The following ING3 variants were observed in gnomAD, a reference collection of about 807,000 sequenced individuals.
The protein encoded by ING3 is inhibitor of growth family member 3.
A neutral mutation model predicts 64.8 loss-of-function variants in ING3; 6 were observed. The ratio of observed to expected loss-of-function variants is 0.09; its 90% CI spans 0.05 to 0.18. The LOEUF is 0.18. Ranked by LOEUF, ING3 falls within the 10% of genes least tolerant of loss-of-function variation. ING3 has a pLI of 1.00. For synonymous variants in ING3, 170 were observed against 173.7 expected (o/e 0.98, Z 0.17); for missense variants, 310 against 489.7 (o/e 0.63, Z 3.46).
chr7:120,974,967 T>C lies in ING3; in HGVS notation c.*123T>C, dbSNP rs1366150494. On this transcript the variant is annotated 3_prime_UTR_variant, in exon 12 of 12. Transcript: ENST00000315870. ...CAGGCAACCACTTAAAGGATTTACA[T>C]AGACAATCCTATAAGATCTTGAACT... is the stretch of plus-strand genomic sequence containing the variant. 1.7e-6 allele frequency: 1 copy of C among 581,278 alleles called. No homozygotes were observed. The highest frequency in any genetic ancestry group is 3.0e-6 in the Non-Finnish European group (1 of 336,192). The allele number at this position is 581,278 out of a possible 1,614,324, so 36.0% of individuals were successfully genotyped here.
rs751479434 is a variant in ING3, at chr7:120,950,969, C to A, written c.28+45C>A. ...GGCGGCCGCCAGTGGGACGTGCGGGCGGGCAAGAGCGCGAGTGGACGGGCA... is the reference window on the plus strand; with the variant it reads ...GGCGGCCGCCAGTGGGACGTGCGGGAGGGCAAGAGCGCGAGTGGACGGGCA... On this transcript the variant is annotated intron_variant, in intron 1 of 11. Coordinates refer to ENST00000315870, the MANE Select transcript of ING3 (RefSeq NM_019071.3). The A allele has an allele frequency of 7.0e-6, 10 of 1,427,628 alleles. No homozygotes were observed. In the African/African-American group the frequency reaches 1.5e-4, roughly 21 times the overall value. 88.4% of individuals were successfully genotyped at this position (1,427,628 alleles called of 1,614,324 possible). A position where few individuals can be genotyped will look rare whatever the true frequency, so the allele number is the denominator to read the frequency against.
At chr7:120,960,841 T>C (rs781709800) in intron 4 of ING3, among the ~76,000 whole-genome samples, 99 of 152,316 alleles carry the variant, frequency 6.5e-4, no homozygotes, top group Non-Finnish European at 1.2e-3. Context: ...TAAATACTTA[T>C]TTGTGTTTCT....
chr7:120,956,687 A>C (rs1795852653), intron 4 of ING3: 9 of 986,642 alleles, frequency 9.1e-6, no homozygotes, highest in Non-Finnish European at 1.1e-5. Flanking sequence ...TGGAATAAAA[A>C]CCAAAAAAAA....
chr7:120,959,949 A>T (rs1040165579), intron 4 of ING3, among the ~76,000 whole-genome samples: 2 of 152,096 alleles, frequency 1.3e-5, no homozygotes, highest in Non-Finnish European at 2.9e-5. Flanking sequence ...CTGGCCTGGC[A>T]AACTATTAAA....
chr7:120,968,845 C>CAAAA (rs377274991), intron 8 of ING3, among the ~76,000 whole-genome samples, 166 bp from the exon 9 acceptor site: 3 of 59,280 alleles, frequency 5.1e-5, no homozygotes, highest in Non-Finnish European at 6.9e-5. Flanking sequence ...AACTCCACCT[C>CAAAA]AAAAAAAAAA....
rs372239911 is a variant in ING3, at chr7:120,954,765, A to G, written c.202-794A>G. On this transcript the variant is annotated intron_variant, in intron 3 of 11. Coordinates refer to ENST00000315870, the MANE Select transcript of ING3 (RefSeq NM_019071.3). Reference sequence around the variant, plus strand: ...CCCCTCTTTTTTAAAAAAAAATTTAATAAGTTGAGGCAAAATCTAAAATAC... The same window carrying G: ...CCCCTCTTTTTTAAAAAAAAATTTAGTAAGTTGAGGCAAAATCTAAAATAC... Among the ~76,000 whole-genome samples the G allele has an allele frequency of 3.3e-5, 5 of 152,300 alleles. No individual in the cohort carries two copies. The East Asian group carries it at 7.7e-4, about 24-fold the overall frequency.
chr7:120,953,306 G>A lies in ING3; in HGVS notation c.103G>A (p.Ala35Thr). ...MREMDLQVQN[A>T]MDQLEQRVSE... ...GAATTTTTTTTATTATGTCATAGAT[G>A]CAATGGATCAACTAGAACAAAGAGT... The change falls in exon 3 of 12, where the codon GCA becomes ACA. Residue 35 changes from alanine (A) to threonine (T), a missense_variant and splice_region_variant. Physicochemically the swap from Ala to Thr is moderately conservative, Grantham distance 58. Transcript: ENST00000315870. The A allele has an allele frequency of 6.4e-7, 1 of 1,569,386 alleles. No individual in the cohort carries two copies.
intron 4 of ING3, among the ~76,000 whole-genome samples, chr7:120,962,421 G>A (rs946880280): frequency 1.3e-5 from 2 of 150,386 alleles, no homozygotes; most frequent in African/African-American, 4.9e-5. Flanking sequence ...AACCCTTTAG[G>A]TTCTAGTGCC....
intron 4 of ING3, among the ~76,000 whole-genome samples, chr7:120,958,494 A>G (rs904721777): frequency 1.3e-5 from 2 of 152,190 alleles, no homozygotes; most frequent in South Asian, 2.1e-4. Flanking sequence ...CAGTCGCCAC[A>G]GACTGAACCT....
At chr7:120,953,471 T>C (rs1023819127) in intron 3 of ING3, 67 bp downstream of exon 3, 3 of 885,852 alleles carry the variant, frequency 3.4e-6, no homozygotes, top group African/African-American at 3.4e-5. Flanking sequence ...TATTTCAAAA[T>C]TAAATAGTGG....
intron 8 of ING3, among the ~76,000 whole-genome samples, chr7:120,968,340 A>G (rs765957379): frequency 6.6e-6 from 1 of 152,168 alleles, no homozygotes; most frequent in African/African-American, 2.4e-5. Context: ...ATAACTGCTC[A>G]TGTTGCCCAT....
intron 6 of ING3, 49 bp downstream of exon 6, chr7:120,966,746 T>C (rs1015844032): frequency 9.7e-6 from 12 of 1,242,978 alleles, no homozygotes; most frequent in Middle Eastern, 1.9e-4. Context: ...GAAAACCTTA[T>C]TATATCACCT....
Position 120,976,784 on chromosome 7 carries a change from C to A in ING3, c.*1940C>A, listed in dbSNP as rs1179247441. On this transcript the variant is annotated 3_prime_UTR_variant, in exon 12 of 12. Coordinates refer to ENST00000315870, the MANE Select transcript of ING3 (RefSeq NM_019071.3). Reference sequence around the variant, plus strand: ...ATCCCCTTTCAGTGTGAATTCCACTCCTTACCAAATCACTTAGAAAACACT... The same window carrying A: ...ATCCCCTTTCAGTGTGAATTCCACTACTTACCAAATCACTTAGAAAACACT... 6.6e-6 allele frequency: 1 copy of A among 152,162 alleles called. No individual in the cohort carries two copies. Among genetic ancestry groups the A allele is most frequent in the Non-Finnish European group, 1.5e-5 (1 of 68,022 alleles). 9.4% of individuals were successfully genotyped at this position (152,162 alleles called of 1,614,324 possible).
chr7:120,968,339 C>T (rs760069970), intron 8 of ING3, among the ~76,000 whole-genome samples: 2 of 152,154 alleles, frequency 1.3e-5, no homozygotes, highest in Admixed American at 6.5e-5. Context: ...AATAACTGCT[C>T]ATGTTGCCCA....
In ING3 at chr7:120,967,614, C is replaced by G. The variant is rs573638160; in HGVS notation, c.522C>G (p.Thr174=). 3.1e-6 allele frequency: 5 copies of G among 1,606,556 alleles called. No individual in the cohort carries two copies. The highest frequency in any genetic ancestry group is 4.3e-6 in the Non-Finnish European group (5 of 1,176,146). ...TTAAATCTGAAGCTCTTCTATCCAC[C>G]CTTACGTCAGATGCCTCTAAGGAAA... The part of the protein sequence containing the change: ...KKFKSEALLS[T]LTSDASKENT... The change falls in exon 7 of 12, where the codon ACC becomes ACG. Residue 174 remains threonine (T), a synonymous_variant. Transcript: ENST00000315870.
intron 10 of ING3, 125 bp downstream of exon 10, chr7:120,971,005 C>A: frequency 3.0e-6 from 3 of 1,014,146 alleles, no homozygotes; most frequent in Admixed American, 5.1e-5. Context: ...TACTTTTCTC[C>A]CCCTTCTTAC....
chr7:120,951,095 C>A, intron 1 of ING3, 69 bp from the exon 2 acceptor site: 1 of 1,566,484 alleles, frequency 6.4e-7, no homozygotes, highest in Non-Finnish European at 8.8e-7. Flanking sequence ...CCCTGACGCA[C>A]GCGCGCAGTG....
chr7:120,976,491 TATC>T lies in ING3; in HGVS notation c.*1650_*1652del, dbSNP rs1034030746. ...TTTGTGAGTACTCATCATTTCATAA[TATC>T]ATGATTATCACGATTTCATGATACT... On this transcript the variant is annotated 3_prime_UTR_variant, in exon 12 of 12. Coordinates refer to ENST00000315870, the MANE Select transcript of ING3 (RefSeq NM_019071.3). 14 of 152,298 alleles carry T rather than the reference TATC, an allele frequency of 9.2e-5. No homozygotes were observed. The highest frequency in any genetic ancestry group is 3.4e-3 in the Middle Eastern group (1 of 294). 9.4% of individuals were successfully genotyped at this position (152,298 alleles called of 1,614,324 possible).
At chr7:120,973,904 A>T (rs948889015) in intron 11 of ING3, among the ~76,000 whole-genome samples, 3 of 152,212 alleles carry the variant, frequency 2.0e-5, no homozygotes, top group African/African-American at 7.2e-5. Context: ...TTTGTAAAAC[A>T]ATCTGAAGAT....
Sources: allele counts gnomAD v4.1 joint callset (sites outside exome capture counted in the v4.1 genomes callset), GRCh38; gene constraint gnomAD v4.1.1; transcripts MANE v1.5; gene names NCBI Gene and HGNC (gene_info 2026-07-23, HGNC 2026-07-21).